Variants in CDH12 observed in about 807,000 individuals in gnomAD.
CDH12 encodes cadherin 12.
CDH12 carries 41 observed loss-of-function variants against 74.1 expected under a neutral mutation model. The observed-to-expected ratio is 0.55, with a 90% CI of 0.43 to 0.72. CDH12 has a LOEUF of 0.72. CDH12 is among the 30% of genes least tolerant of loss of function. The probability of loss-of-function intolerance (pLI) is 0.00; values close to 1 mark genes in which losing one functional copy is unlikely to be tolerated. For missense variants in CDH12, 945 were observed against 977.2 expected (o/e 0.97, Z 0.44); for synonymous variants, 399 against 355.0 (o/e 1.12, Z -1.39).
At chr5:22,625,081 G>A (rs948889534) in intron 1 of CDH12, among the ~76,000 whole-genome samples, 10 of 152,064 alleles carry the variant, frequency 6.6e-5, no homozygotes, top group Non-Finnish European at 1.3e-4. Flanking sequence ...AACACCACAT[G>A]TTCTCACTCA....
At chr5:21,842,421 A>G (rs1308736321) in intron 7 of CDH12, 93 bp from the exon 8 acceptor site, 9 of 851,792 alleles carry the variant, frequency 1.1e-5, no homozygotes, top group Non-Finnish European at 1.3e-5. Context: ...GATTCTACCT[A>G]GAATCACTAA....
At chr5:22,732,655 C>G (rs1194641847) in intron 1 of CDH12, among the ~76,000 whole-genome samples, 1 of 151,748 alleles carries the variant, frequency 6.6e-6, no homozygotes, top group Non-Finnish European at 1.5e-5. Flanking sequence ...CAGATACACA[C>G]AAGGAGAATG....
rs1751601578 is a variant in CDH12, at chr5:22,212,537, G to A, written c.-226C>T. The A allele has an allele frequency of 3.0e-6, 3 of 985,096 alleles. No individual in the cohort carries two copies. Among genetic ancestry groups the A allele is most frequent in the Non-Finnish European group, 1.2e-6 (1 of 829,390 alleles). The allele number at this position is 985,096 out of a possible 1,614,324, so 61.0% of individuals were successfully genotyped here. A position where few individuals can be genotyped will look rare whatever the true frequency, so the allele number is the denominator to read the frequency against. ...TCTCTGTGAACGAGGTGAGAAATCC[G>A]TCAAATCAACCGTGAATGGGGTGGG... On this transcript the variant is annotated 5_prime_UTR_variant, in exon 4 of 15. The change creates a new upstream start codon in the 5' untranslated region. Coordinates refer to ENST00000382254, the MANE Select transcript of CDH12 (RefSeq NM_004061.5).
chr5:22,630,786 T>C (rs1197608510), intron 1 of CDH12, among the ~76,000 whole-genome samples: 2 of 152,066 alleles, frequency 1.3e-5, no homozygotes, highest in African/African-American at 2.4e-5. Context: ...AATTTAAAAA[T>C]GAGATTTAAG....
chr5:22,313,541 A>C (rs1248266742), intron 3 of CDH12, among the ~76,000 whole-genome samples: 1 of 152,182 alleles, frequency 6.6e-6, no homozygotes, highest in African/African-American at 2.4e-5. Context: ...CTCTTAGCTT[A>C]AGTAAACCAG....
chr5:21,895,665 G>A (rs1753089521), intron 6 of CDH12, among the ~76,000 whole-genome samples: 1 of 152,152 alleles, frequency 6.6e-6, no homozygotes, highest in Admixed American at 6.5e-5. Flanking sequence ...AAGTGTGTCA[G>A]AGCCCAGAGG....
At chr5:22,398,808 T>A (rs1742579810) in intron 3 of CDH12, among the ~76,000 whole-genome samples, 1 of 152,148 alleles carries the variant, frequency 6.6e-6, no homozygotes, top group Non-Finnish European at 1.5e-5. Context: ...CATTCCAAAA[T>A]AAAAGATAAG....
At chr5:22,650,788 T>A (rs1010705559) in intron 1 of CDH12, among the ~76,000 whole-genome samples, 1 of 152,000 alleles carries the variant, frequency 6.6e-6, no homozygotes, top group Non-Finnish European at 1.5e-5. Context: ...TATCAGAAAC[T>A]ACTAAGAAGG....
At position 21,922,510 on chromosome 5, in the gene CDH12, T is replaced by C. The variant is rs1156356170; in HGVS notation, c.526+52581A>G. Among the ~76,000 whole-genome samples, 3 of 152,164 alleles carry C rather than the reference T, an allele frequency of 2.0e-5. No homozygotes were observed. The East Asian group carries it at 5.8e-4, about 29-fold the overall frequency. On this transcript the variant is annotated intron_variant, in intron 6 of 14. Coordinates refer to ENST00000382254, the MANE Select transcript of CDH12 (RefSeq NM_004061.5). ...GGCCTCTGAACTTTCTCATAATATG[T>C]AGTCAAGAATTCTTGATTATACACA...
intron 6 of CDH12, among the ~76,000 whole-genome samples, chr5:21,961,724 A>G (rs924565059): frequency 6.6e-6 from 1 of 152,204 alleles, no homozygotes; most frequent in Non-Finnish European, 1.5e-5. Flanking sequence ...AGAGATGTCT[A>G]GAACAGATTC....
chr5:22,384,525 C>CAAAAAA (rs754149045), intron 3 of CDH12, among the ~76,000 whole-genome samples: 5 of 68,796 alleles, frequency 7.3e-5, no homozygotes, highest in African/African-American at 9.8e-5. Flanking sequence ...AACTCCGTCT[C>CAAAAAA]AAAAAAAAAA....
chr5:22,603,601 G>A (rs532496649), intron 1 of CDH12, among the ~76,000 whole-genome samples: 2 of 152,266 alleles, frequency 1.3e-5, no homozygotes, highest in South Asian at 2.1e-4. Flanking sequence ...AGATAGGCAA[G>A]TGTGGTTACT....
intron 8 of CDH12, among the ~76,000 whole-genome samples, chr5:21,827,568 G>A (rs1044572792): frequency 6.6e-6 from 1 of 152,010 alleles, no homozygotes; most frequent in Non-Finnish European, 1.5e-5. Context: ...GAATTATTAC[G>A]TTTAATACTA....
At chr5:22,279,462 G>A (rs532800866) in intron 3 of CDH12, among the ~76,000 whole-genome samples, 23 of 152,186 alleles carry the variant, frequency 1.5e-4, no homozygotes, top group Non-Finnish European at 2.8e-4. Context: ...TGCCATGTTG[G>A]TGTGCTGCAC....
intron 1 of CDH12, among the ~76,000 whole-genome samples, chr5:22,822,996 A>C (rs1749790961): frequency 6.6e-6 from 1 of 152,162 alleles, no homozygotes; most frequent in Non-Finnish European, 1.5e-5. Flanking sequence ...ATGTCCAACA[A>C]GGATAGACTG....
intron 1 of CDH12, among the ~76,000 whole-genome samples, chr5:22,760,705 A>C (rs1466952092): frequency 5.3e-5 from 8 of 150,962 alleles, no homozygotes; most frequent in East Asian, 1.9e-4. Context: ...AAAAAACAAA[A>C]AAAAAAAGGT....
At position 22,146,304 on chromosome 5, in the gene CDH12, T is replaced by TA. The variant is rs201818822; in HGVS notation, c.-187+66193dup. Among the ~76,000 whole-genome samples, 532 of 152,146 alleles carry TA rather than the reference T, an allele frequency of 3.5e-3. 8 individuals carry two copies. In the East Asian group the frequency reaches 0.045, roughly 13 times the overall value. ...AGTAAAAGTCCCCATAACATGGCCTTAAAAAAGGTTAATCTTTTAACAACG... is the reference window on the plus strand; with the variant it reads ...AGTAAAAGTCCCCATAACATGGCCTTAAAAAAAGGTTAATCTTTTAACAACG... On this transcript the variant is annotated intron_variant, in intron 4 of 14. Transcript: ENST00000382254.
At chr5:22,192,455 T>A (rs1750363126) in intron 4 of CDH12, among the ~76,000 whole-genome samples, 1 of 152,078 alleles carries the variant, frequency 6.6e-6, no homozygotes, top group Non-Finnish European at 1.5e-5. Flanking sequence ...GGTTTGGGTT[T>A]CAAAGAGAGT....
chr5:22,621,661 T>C (rs990675871), intron 1 of CDH12, among the ~76,000 whole-genome samples: 5 of 152,126 alleles, frequency 3.3e-5, no homozygotes, highest in African/African-American at 9.6e-5. Flanking sequence ...ATGTGTTCAT[T>C]GATAACATTA....
Sources: gnomAD v4.1 joint callset for allele counts (sites outside exome capture counted in the v4.1 genomes callset) on GRCh38, gnomAD v4.1.1 for gene constraint, MANE v1.5 for transcripts, NCBI Gene and HGNC (gene_info 2026-07-23, HGNC 2026-07-21) for gene names.